Variants in SLC6A4 observed in about 807,000 individuals in gnomAD.
SLC6A4 encodes the protein sodium-dependent serotonin transporter.
SLC6A4 carries 22 observed loss-of-function variants against 73.4 expected under a neutral mutation model. The observed-to-expected ratio is 0.30, with a 90% CI of 0.21 to 0.43. The LOEUF (loss-of-function observed/expected upper bound fraction) is 0.43. SLC6A4 is among the 20% of genes least tolerant of loss of function. The probability of loss-of-function intolerance (pLI) is 1.00; values close to 1 mark genes in which losing one functional copy is unlikely to be tolerated. For missense variants in SLC6A4, 593 were observed against 808.5 expected (o/e 0.73, Z 3.23); for synonymous variants, 270 against 315.5 (o/e 0.86, Z 1.53).
intron 13 of SLC6A4, among the ~76,000 whole-genome samples, chr17:30,204,780 T>C (rs56391814): frequency 0.047 from 7,186 of 152,238 alleles, 294 homozygotes; most frequent in African/African-American, 0.1. Context: ...TTTGCCTCTC[T>C]CAGGCACTAG....
At chr17:30,219,290 G>A (rs1906676722) in intron 3 of SLC6A4, among the ~76,000 whole-genome samples, 2 of 152,176 alleles carry the variant, frequency 1.3e-5, no homozygotes, top group South Asian at 4.1e-4. Context: ...CAGTTGAGGA[G>A]AGCTGAGTTT....
chr17:30,206,241 C>CAAAAAAAAAAAAAAAAAAAAAAAAAA (rs5819882), intron 13 of SLC6A4: 1 of 106,564 alleles, frequency 9.4e-6, no homozygotes, highest in African/African-American at 3.4e-5. Flanking sequence ...CTCTAAAAGA[C>CAAAAAAAAAAAAAAAAAAAAAAAAAA]AAAAAAAAAA....
chr17:30,230,098 G>GAAGAAGAAGAAGAAGAAGAAGAA (rs1555591454), intron 1 of SLC6A4, among the ~76,000 whole-genome samples: 58 of 89,608 alleles, frequency 6.5e-4, no homozygotes, highest in South Asian at 3.6e-3. Context: ...AAGAAGAAGA[G>GAAGAAGAAGAAGAAGAAGAAGAA]GAGGAAGAGG....
At chr17:30,224,111 G>C (rs745417939) in intron 1 of SLC6A4, among the ~76,000 whole-genome samples, 2 of 152,140 alleles carry the variant, frequency 1.3e-5, no homozygotes, top group Admixed American at 6.5e-5. Flanking sequence ...AACAACTGAC[G>C]AACTTGAAGG....
At chr17:30,222,493 A>G (rs2143015598) in intron 2 of SLC6A4, among the ~76,000 whole-genome samples, 1 of 152,336 alleles carries the variant, frequency 6.6e-6, no homozygotes, top group Admixed American at 6.5e-5. Flanking sequence ...TTGGGGAAAC[A>G]ATGACAAGCA....
chr17:30,215,359 T>C (rs1030034084), intron 8 of SLC6A4, among the ~76,000 whole-genome samples: 1 of 152,214 alleles, frequency 6.6e-6, no homozygotes, highest in African/African-American at 2.4e-5. Flanking sequence ...TATTTTTATA[T>C]ACAGGAGCGC....
In SLC6A4 at chr17:30,211,017, C is replaced by T. The variant is rs761572369; in HGVS notation, c.1317+295G>A. The stretch of plus-strand genomic sequence containing the variant: ...CAAAGCAGAGACCCAGGAGAGACCT[C>T]GCCCCGGCCTGTAGGCGCCATAATT... On this transcript the variant is annotated intron_variant, in intron 10 of 14. Coordinates refer to ENST00000650711, the MANE Select transcript of SLC6A4 (RefSeq NM_001045.6). This position sits in a 1 kb window ranked among gnomAD's most constrained non-coding sequence, Gnocchi z 4.0. Among the ~76,000 whole-genome samples, 26 of 152,202 alleles carry T rather than the reference C, an allele frequency of 1.7e-4. No homozygotes were observed. The highest frequency in any genetic ancestry group is 3.7e-4 in the Non-Finnish European group (25 of 68,036).
intron 1 of SLC6A4, 37 bp from the exon 2 acceptor site, chr17:30,222,952 T>A: frequency 1.3e-6 from 1 of 761,084 alleles, no homozygotes; most frequent in Non-Finnish European, 2.0e-6. Context: ...GATGCTGGGG[T>A]GGTTGGTGTC....
chr17:30,216,979 C>T (rs557984277), intron 6 of SLC6A4, among the ~76,000 whole-genome samples, 187 bp downstream of exon 6: 79 of 152,264 alleles, frequency 5.2e-4, no homozygotes, highest in African/African-American at 1.9e-3. Flanking sequence ...GGATTAGAGA[C>T]GTGAGCCACC....
At chr17:30,219,771 C>T (rs1284113608) in intron 3 of SLC6A4, among the ~76,000 whole-genome samples, 1 of 152,060 alleles carries the variant, frequency 6.6e-6, no homozygotes, top group Non-Finnish European at 1.5e-5. Context: ...GAGTTTTTAG[C>T]CTAAAGGGTG....
intron 13 of SLC6A4, among the ~76,000 whole-genome samples, chr17:30,206,804 C>T (rs1043065552): frequency 3.0e-4 from 44 of 146,622 alleles, no homozygotes; most frequent in African/African-American, 9.6e-4. Context: ...CTGCAACCTC[C>T]GCCTCCCAGG....
rs182769793 is a variant in SLC6A4, at chr17:30,229,975, G to A, written c.-221+5638C>T. On this transcript the variant is annotated intron_variant, in intron 1 of 14. Transcript: ENST00000650711. ...CAGAGGTTGTGGTGAGCTGAGATCG[G>A]GCCATTGCACTCCAGCCTGGACAAC... is the stretch of plus-strand genomic sequence containing the variant. Among the ~76,000 whole-genome samples, 536 of 151,136 alleles carry A rather than the reference G, an allele frequency of 3.5e-3. 5 individuals carry two copies. Among genetic ancestry groups the A allele is most frequent in the African/African-American group, 0.013 (516 of 41,146 alleles).
rs1905888018 is a variant in SLC6A4, at chr17:30,197,134, G to A, written c.*1322C>T. On this transcript the variant is annotated 3_prime_UTR_variant, in exon 15 of 15. Coordinates refer to ENST00000650711, the MANE Select transcript of SLC6A4 (RefSeq NM_001045.6). ...AATTTGCTCCTCTACCTACGCCTCT[G>A]AGAGTCACGAGACACCAAAGGCCAA... 6.6e-6 allele frequency: 1 copy of A among 152,318 alleles called. No individual in the cohort carries two copies. Among genetic ancestry groups the A allele is most frequent in the Non-Finnish European group, 1.5e-5 (1 of 68,042 alleles). The allele number at this position is 152,318 out of a possible 1,614,324, so 9.4% of individuals were successfully genotyped here.
rs776733062 is a variant in SLC6A4, at chr17:30,198,445, C to A, written c.*11G>T. 6.4e-7 allele frequency: 1 copy of A among 1,553,882 alleles called. No individual in the cohort carries two copies. Among genetic ancestry groups the A allele is most frequent in the Non-Finnish European group, 8.8e-7 (1 of 1,130,856 alleles). ...GGTTGTGGAGAAGCCTTTTTCCTCTCGGTGAGTGTGTTACACAGCATTCAA... is the reference window on the plus strand; with the variant it reads ...GGTTGTGGAGAAGCCTTTTTCCTCTAGGTGAGTGTGTTACACAGCATTCAA... On this transcript the variant is annotated 3_prime_UTR_variant, in exon 15 of 15. Transcript: ENST00000650711.
In SLC6A4 at chr17:30,196,250, T is replaced by A. The variant is rs1193930068; in HGVS notation, c.*2206A>T. ...TATAAAAGGTCTTTAAAATATTATT[T>A]TAAAATCCACCTACCTACTCTTAAA... On this transcript the variant is annotated 3_prime_UTR_variant, in exon 15 of 15. Coordinates refer to ENST00000650711, the MANE Select transcript of SLC6A4 (RefSeq NM_001045.6). 1 of 151,930 alleles carries A rather than the reference T, an allele frequency of 6.6e-6. No homozygotes were observed. Among genetic ancestry groups the A allele is most frequent in the Non-Finnish European group, 1.5e-5 (1 of 68,010 alleles). 9.4% of individuals were successfully genotyped at this position (151,930 alleles called of 1,614,324 possible).
At chr17:30,206,132 G>T (rs931448443) in intron 13 of SLC6A4, 2 of 151,376 alleles carry the variant, frequency 1.3e-5, no homozygotes, top group Non-Finnish European at 2.9e-5. Context: ...ACACAGAACA[G>T]CTGGATGCCA....
rs1298621986 is a variant in SLC6A4, at chr17:30,194,328, T to C, written c.*4128A>G. On this transcript the variant is annotated 3_prime_UTR_variant, in exon 15 of 15. Coordinates refer to ENST00000650711, the MANE Select transcript of SLC6A4 (RefSeq NM_001045.6). ...GTTATTACAGTAACAGTTCACAGCA[T>C]AAATCATTTATTAATATCTCACAAT... 6.6e-6 allele frequency: 1 copy of C among 152,166 alleles called. No homozygotes were observed. Among genetic ancestry groups the C allele is most frequent in the East Asian group, 1.9e-4 (1 of 5,198 alleles). 9.4% of individuals were successfully genotyped at this position (152,166 alleles called of 1,614,324 possible). A position where few individuals can be genotyped will look rare whatever the true frequency, so the allele number is the denominator to read the frequency against.
chr17:30,214,850 G>T (rs1242262772), intron 8 of SLC6A4, among the ~76,000 whole-genome samples: 1 of 151,748 alleles, frequency 6.6e-6, no homozygotes, highest in African/African-American at 2.4e-5. Context: ...AGCCAGGATG[G>T]TATCGATCTC....
intron 8 of SLC6A4, 95 bp downstream of exon 8, chr17:30,215,516 A>G (rs1906544572): frequency 4.0e-6 from 4 of 1,009,276 alleles, no homozygotes; most frequent in Middle Eastern, 2.1e-4. Context: ...AAGCCTGGCC[A>G]GATTCGAGGC....
Sources: gnomAD v4.1 joint callset for allele counts (sites outside exome capture counted in the v4.1 genomes callset) on GRCh38, gnomAD v4.1.1 for gene constraint, Gnocchi (gnomAD v3.1) non-coding constraint, MANE v1.5 for transcripts, NCBI Gene and HGNC (gene_info 2026-07-23, HGNC 2026-07-21) for gene names.